Variants in CADM2 observed in about 807,000 individuals in gnomAD.
The protein encoded by CADM2 is immunoglobulin superfamily member 4D.
Under a neutral mutation model 49.8 loss-of-function variants are expected in CADM2, and 12 were observed. The observed-to-expected ratio is 0.24, with a 90% CI of 0.15 to 0.39. The LOEUF (loss-of-function observed/expected upper bound fraction) is 0.39. Among genes scored for constraint, CADM2 ranks in the 10% least tolerant of loss-of-function variants. The pLI is 1.00. For missense variants in CADM2, 378 were observed against 492.3 expected (o/e 0.77, Z 2.20); for synonymous variants, 214 against 175.4 (o/e 1.22, Z -1.74).
intron 1 of CADM2, among the ~76,000 whole-genome samples, chr3:85,146,674 T>G (rs1432225216): frequency 6.6e-6 from 1 of 152,222 alleles, no homozygotes; most frequent in Non-Finnish European, 1.5e-5. Flanking sequence ...CATAAATTTT[T>G]AAGTTTCCAA....
At chr3:85,317,742 A>G (rs928355603) in intron 1 of CADM2, among the ~76,000 whole-genome samples, 2 of 152,220 alleles carry the variant, frequency 1.3e-5, no homozygotes, top group Non-Finnish European at 1.5e-5. Flanking sequence ...CCCATCTCAC[A>G]ACACTATTGC....
At chr3:85,897,645 A>C (rs2108439186) in intron 5 of CADM2, among the ~76,000 whole-genome samples, 1 of 151,858 alleles carries the variant, frequency 6.6e-6, no homozygotes, top group South Asian at 2.1e-4. Context: ...TGCTTGTTTT[A>C]CTTTTTTTTG....
intron 1 of CADM2, among the ~76,000 whole-genome samples, chr3:85,069,339 T>C (rs187801438): frequency 2.6e-5 from 4 of 152,250 alleles, no homozygotes; most frequent in Admixed American, 2.6e-4. Flanking sequence ...AAAAAATCAT[T>C]TGTCAAAAAT....
chr3:85,046,403 A>T (rs550062446), intron 1 of CADM2, among the ~76,000 whole-genome samples: 14 of 151,424 alleles, frequency 9.2e-5, no homozygotes, highest in Admixed American at 3.3e-4. Flanking sequence ...TCCACAACCA[A>T]CAGCAAAATC....
intron 1 of CADM2, among the ~76,000 whole-genome samples, chr3:85,460,932 G>C (rs957205024): frequency 3.3e-5 from 5 of 152,126 alleles, no homozygotes; most frequent in African/African-American, 7.2e-5. Context: ...CTCTGTCCTT[G>C]CTAATTGAGA....
intron 8 of CADM2, chr3:86,014,344 A>C (rs1731942524): frequency 7.2e-7 from 1 of 1,398,422 alleles, no homozygotes; most frequent in African/African-American, 1.4e-5. Context: ...CTCCAGGGGC[A>C]AACCTCTGAT....
chr3:85,363,596 G>T (rs1559801145), intron 1 of CADM2, among the ~76,000 whole-genome samples: 2 of 151,966 alleles, frequency 1.3e-5, no homozygotes, highest in African/African-American at 2.4e-5. Flanking sequence ...ATTTTGATTT[G>T]ATATCTTTAT....
intron 8 of CADM2, among the ~76,000 whole-genome samples, chr3:86,037,093 A>G (rs535778683): frequency 8.5e-5 from 13 of 152,164 alleles, no homozygotes; most frequent in Admixed American, 3.3e-4. Flanking sequence ...TATACATTCA[A>G]TACACTGATT....
intron 1 of CADM2, among the ~76,000 whole-genome samples, chr3:85,138,061 C>G (rs1434729444): frequency 1.3e-5 from 2 of 151,904 alleles, no homozygotes. Flanking sequence ...AAACAAGATA[C>G]AATTATTTTT....
intron 1 of CADM2, among the ~76,000 whole-genome samples, chr3:85,542,638 A>C (rs1169940897): frequency 1.3e-5 from 2 of 152,160 alleles, no homozygotes; most frequent in African/African-American, 4.8e-5. Flanking sequence ...CTTACATATA[A>C]ATATATTGAC....
chr3:85,839,585 C>T (rs1427938376), intron 3 of CADM2, among the ~76,000 whole-genome samples: 2 of 151,750 alleles, frequency 1.3e-5, no homozygotes, highest in Admixed American at 1.3e-4. Context: ...GTACTTCTTA[C>T]CTCAGGCACA....
At chr3:85,861,064 G>T (rs1243725111) in intron 3 of CADM2, among the ~76,000 whole-genome samples, 1 of 152,124 alleles carries the variant, frequency 6.6e-6, no homozygotes, top group Non-Finnish European at 1.5e-5. Flanking sequence ...AAGAATATTG[G>T]GGTTTTCAGT....
intron 1 of CADM2, among the ~76,000 whole-genome samples, chr3:85,108,647 A>C (rs551709847): frequency 6.6e-6 from 1 of 152,272 alleles, no homozygotes; most frequent in South Asian, 2.1e-4. Flanking sequence ...TATGCCTAAA[A>C]ATGGTTAAAA....
intron 1 of CADM2, among the ~76,000 whole-genome samples, chr3:85,685,860 G>A (rs1346951016): frequency 6.6e-6 from 1 of 151,184 alleles, no homozygotes; most frequent in Non-Finnish European, 1.5e-5. Flanking sequence ...TCCTGACCTC[G>A]TGATCCGCCC....
chr3:86,048,917 C>A (rs2107307644), intron 8 of CADM2, among the ~76,000 whole-genome samples: 1 of 152,194 alleles, frequency 6.6e-6, no homozygotes, highest in African/African-American at 2.4e-5. Flanking sequence ...AGGCCTCTAA[C>A]TATAAAAGAC....
chr3:85,791,294 T>C (rs1405523805), intron 2 of CADM2, among the ~76,000 whole-genome samples: 2 of 152,174 alleles, frequency 1.3e-5, no homozygotes, highest in African/African-American at 2.4e-5. Context: ...AATATGTGCT[T>C]CAGTCCACAC....
intron 1 of CADM2, among the ~76,000 whole-genome samples, chr3:85,082,882 G>C (rs955924503): frequency 9.9e-5 from 15 of 152,074 alleles, no homozygotes; most frequent in African/African-American, 3.1e-4. Context: ...ACACACGCTA[G>C]CTGTTTAGCG....
chr3:85,798,248 G>T (rs537201103), intron 2 of CADM2, among the ~76,000 whole-genome samples: 213 of 152,146 alleles, frequency 1.4e-3, no homozygotes, highest in African/African-American at 4.7e-3. Context: ...AGTTTCTTTC[G>T]CTGTGTAGAA....
chr3:86,051,656 C>A (rs1737354611), intron 8 of CADM2, among the ~76,000 whole-genome samples: 2 of 152,142 alleles, frequency 1.3e-5, no homozygotes, highest in African/African-American at 4.8e-5. Context: ...TGCTGGACTT[C>A]TGCAGGGGAG....
Sources: gnomAD v4.1 joint callset for allele counts (sites outside exome capture counted in the v4.1 genomes callset) on GRCh38, gnomAD v4.1.1 for gene constraint, MANE v1.5 for transcripts, NCBI Gene and HGNC (gene_info 2026-07-23, HGNC 2026-07-21) for gene names.